The following TESC variants were observed in gnomAD, a reference collection of about 807,000 sequenced individuals.
The protein encoded by TESC is tescalcin.
A neutral mutation model predicts 31.0 loss-of-function variants in TESC; 19 were observed. That is an observed-to-expected ratio of 0.61 (90% CI 0.43 to 0.90). The LOEUF is 0.90. Ranked by LOEUF, TESC falls within the 40% of genes least tolerant of loss-of-function variation. The pLI is 0.00. For missense variants in TESC, 248 were observed against 303.8 expected, an observed-to-expected ratio of 0.82 and a Z score of 1.36; for synonymous variants, 109 against 114.8, an observed-to-expected ratio of 0.95 and a Z score of 0.32.
intron 1 of TESC, among the ~76,000 whole-genome samples, chr12:117,075,913 A>ATATATATATATATATATATATATATGTG (rs1265957613): frequency 5.8e-5 from 3 of 51,952 alleles, no homozygotes; most frequent in Admixed American, 2.4e-4. Context: ...ATATATATAT[A>ATATATATATATATATATATATATATGTG]TGTGTGTGTG....
intron 1 of TESC, among the ~76,000 whole-genome samples, chr12:117,087,653 T>C (rs923079868): frequency 2.6e-5 from 4 of 152,350 alleles, no homozygotes; most frequent in South Asian, 4.1e-4. Context: ...CTCTGTTCTT[T>C]ACCATGCGCC....
chr12:117,046,127 C>T lies in TESC; in HGVS notation c.519+432G>A, dbSNP rs556968929. On this transcript the variant is annotated intron_variant, in intron 6 of 7. Transcript: ENST00000335209. Reference sequence around the variant, plus strand: ...ACTCCATGCCATCGGCTCTTGTCAGCCCCCAATAGGGCTCCCTGCTGACCC... The same window carrying T: ...ACTCCATGCCATCGGCTCTTGTCAGTCCCCAATAGGGCTCCCTGCTGACCC... Among the ~76,000 whole-genome samples, 5 of 152,310 alleles carry T rather than the reference C, an allele frequency of 3.3e-5. No individual in the cohort carries two copies. The East Asian group carries it at 5.8e-4, about 18-fold the overall frequency.
intron 1 of TESC, among the ~76,000 whole-genome samples, chr12:117,080,735 TTCC>T (rs1244277385): frequency 6.6e-6 from 1 of 152,172 alleles, no homozygotes; most frequent in Non-Finnish European, 1.5e-5. Flanking sequence ...GGTGAGCTGC[TTCC>T]TCCTAACTGC....
Position 117,043,152 on chromosome 12 carries a change from G to T in TESC, c.520-1158C>A, listed in dbSNP as rs956666374. On this transcript the variant is annotated intron_variant, in intron 6 of 7. Transcript: ENST00000335209. Reference sequence around the variant, plus strand: ...CCAGACCCCCACCATCTGCCCTGTGGGTGTGTGGGGTCATACGGAGAAAAT... The same window carrying T: ...CCAGACCCCCACCATCTGCCCTGTGTGTGTGTGGGGTCATACGGAGAAAAT... Among the ~76,000 whole-genome samples, 6 of 152,196 alleles carry T rather than the reference G, an allele frequency of 3.9e-5. No individual in the cohort carries two copies. The East Asian group carries it at 1.2e-3, about 30-fold the overall frequency.
chr12:117,092,213 G>T (rs1955321231), intron 1 of TESC, among the ~76,000 whole-genome samples: 1 of 152,166 alleles, frequency 6.6e-6, no homozygotes, highest in African/African-American at 2.4e-5. Flanking sequence ...GGAACTGGTG[G>T]CTCAAAGAAG....
At chr12:117,041,077 C>T (rs1020534502) in intron 7 of TESC, among the ~76,000 whole-genome samples, 1 of 152,152 alleles carries the variant, frequency 6.6e-6, no homozygotes, top group East Asian at 1.9e-4. Context: ...TGCCACAGGG[C>T]ATCTGATTAT....
intron 1 of TESC, among the ~76,000 whole-genome samples, chr12:117,076,686 C>T (rs1004200666): frequency 1.8e-4 from 27 of 152,144 alleles, no homozygotes; most frequent in African/African-American, 5.8e-4. Context: ...TTGAGTGATC[C>T]GCCCACCGCA....
intron 6 of TESC, among the ~76,000 whole-genome samples, chr12:117,045,434 C>T (rs1029525594): frequency 1.3e-5 from 2 of 152,258 alleles, no homozygotes; most frequent in African/African-American, 4.8e-5. Flanking sequence ...GTAATTAAAT[C>T]AAATGGGAAT....
In TESC at chr12:117,069,358, C is replaced by T. The variant is rs368301113; in HGVS notation, c.128+5913G>A. Among the ~76,000 whole-genome samples the T allele has an allele frequency of 2.6e-3, 390 of 152,302 alleles. 4 individuals are homozygous for T. The highest frequency in any genetic ancestry group is 9.0e-3 in the African/African-American group (375 of 41,558). On this transcript the variant is annotated intron_variant, in intron 2 of 7. Coordinates refer to ENST00000335209, the MANE Select transcript of TESC (RefSeq NM_017899.4). ...ATGTTCAAGCGATTCTCCTGCTCAG[C>T]CTCCCGAGTAGCTGGGATTACAAGC...
intron 3 of TESC, 133 bp from the exon 4 acceptor site, chr12:117,049,291 T>C: frequency 7.6e-7 from 1 of 1,316,258 alleles, no homozygotes; most frequent in Admixed American, 2.1e-5. Flanking sequence ...GCCTTGCGTC[T>C]GTGCCCCAAG....
intron 1 of TESC, among the ~76,000 whole-genome samples, chr12:117,089,120 G>A (rs1955267805): frequency 6.6e-6 from 1 of 152,220 alleles, no homozygotes; most frequent in Admixed American, 6.5e-5. Context: ...ATCTCTGCTA[G>A]GGAGACGGCA....
Position 117,046,846 on chromosome 12 carries a change from G to C in TESC, c.350-8C>G. 1.3e-6 allele frequency: 2 copies of C among 1,564,532 alleles called. No homozygotes were observed. The highest frequency in any genetic ancestry group is 1.7e-6 in the Non-Finnish European group (2 of 1,154,382). On this transcript the variant is annotated splice_polypyrimidine_tract_variant and splice_region_variant and intron_variant, in intron 4 of 7. Transcript: ENST00000335209. ...CGTACATGTGGAACAGAACTAGGGTGGCAGGGGAGAGAGGGGACTCCGTCA... is the reference window on the plus strand; with the variant it reads ...CGTACATGTGGAACAGAACTAGGGTCGCAGGGGAGAGAGGGGACTCCGTCA...
chr12:117,075,883 A>ATATATATATATATATATATATGTGTGTG (rs1565971482), intron 1 of TESC, among the ~76,000 whole-genome samples: 2 of 25,890 alleles, frequency 7.7e-5, no homozygotes, highest in African/African-American at 2.5e-4. Context: ...GTGTATATAT[A>ATATATATATATATATATATATGTGTGTG]TATATATATA....
At chr12:117,074,136 G>A (rs1165861516) in intron 2 of TESC, among the ~76,000 whole-genome samples, 1 of 152,092 alleles carries the variant, frequency 6.6e-6, no homozygotes, top group Non-Finnish European at 1.5e-5. Context: ...AAGGCAGGAG[G>A]ATCACCTGAG....
At chr12:117,075,176 C>G in intron 2 of TESC, 95 bp downstream of exon 2, 3 of 1,246,802 alleles carry the variant, frequency 2.4e-6, no homozygotes, top group South Asian at 1.3e-5. Context: ...AAGAAAACAA[C>G]TACCCCCGCT....
chr12:117,071,363 G>A (rs1318562932), intron 2 of TESC, among the ~76,000 whole-genome samples: 1 of 152,236 alleles, frequency 6.6e-6, no homozygotes, highest in African/African-American at 2.4e-5. Flanking sequence ...AGTCTGCTGG[G>A]GTGAGGGGAT....
intron 1 of TESC, among the ~76,000 whole-genome samples, chr12:117,093,189 GCAGGGACCGCATCTGGTC>G (rs1248549834): frequency 1.3e-5 from 2 of 152,170 alleles, no homozygotes; most frequent in African/African-American, 4.8e-5. Flanking sequence ...CTTCTGGAGG[GCAGGGACCGCATCTGGTC>G]CACCCTGGTA....
chr12:117,081,494 G>A (rs529360469), intron 1 of TESC, among the ~76,000 whole-genome samples: 1 of 152,238 alleles, frequency 6.6e-6, no homozygotes, highest in South Asian at 2.1e-4. Context: ...GTTGGGCAGC[G>A]TTGGTATATA....
rs193179319 is a variant in TESC at position 117,045,967 on chromosome 12, C to A, written c.519+592G>T. Among the ~76,000 whole-genome samples, 3 of 152,330 alleles carry A rather than the reference C, an allele frequency of 2.0e-5. No homozygotes were observed. The East Asian group carries it at 5.8e-4, about 29-fold the overall frequency. On this transcript the variant is annotated intron_variant, in intron 6 of 7. Coordinates refer to ENST00000335209, the MANE Select transcript of TESC (RefSeq NM_017899.4). ...GAAAGATCATAAGGTCTAGAGGATT[C>A]TCTATGCTCTCTGAGTCTCAGTTTT...
Sources: gnomAD v4.1 joint callset for allele counts (sites outside exome capture counted in the v4.1 genomes callset) on GRCh38, gnomAD v4.1.1 for gene constraint, MANE v1.5 for transcripts, NCBI Gene and HGNC (gene_info 2026-07-23, HGNC 2026-07-21) for gene names.